NOD2: variants seen among roughly 807,000 people sequenced by gnomAD.
The protein encoded by NOD2 is nucleotide-binding oligomerization domain-containing protein 2.
A neutral mutation model predicts 90.9 loss-of-function variants in NOD2; 86 were observed. The observed-to-expected ratio is 0.95, with a 90% confidence interval of 0.79 to 1.13. NOD2 has a LOEUF of 1.13. Among genes scored for constraint, NOD2 ranks in the 50% most tolerant of loss-of-function variants. The pLI is 0.00. For missense variants in NOD2, 1,238 were observed against 1,283.8 expected (o/e 0.96, Z 0.55); for synonymous variants, 581 against 554.6 (o/e 1.05, Z -0.67).
intron 11 of NOD2, among the ~76,000 whole-genome samples, chr16:50,731,216 G>A (rs1217132309): frequency 6.6e-6 from 1 of 152,180 alleles, no homozygotes; most frequent in African/African-American, 2.4e-5. Context: ...GTGATGGAGA[G>A]ATTTTTCCTT....
chr16:50,712,318 G>C lies in NOD2; in HGVS notation c.2326G>C (p.Gly776Arg). The C allele has an allele frequency of 3.7e-6, 6 of 1,614,072 alleles. No homozygotes were observed. The highest frequency in any genetic ancestry group is 4.2e-6 in the Non-Finnish European group (5 of 1,180,044). ...VALQLDYNSV[G>R]DIGVEQLLPC... The stretch of plus-strand genomic sequence containing the variant: ...CCTGCAGCTGGACTACAACTCTGTG[G>C]GTGACATTGGCGTGGAGCAGCTGCT... Residue 776 changes from glycine to arginine, a missense_variant, in exon 4 of 12, where the codon GGT (glycine) becomes CGT (arginine). Physicochemically the swap from Gly to Arg is moderately radical, Grantham distance 125 (BLOSUM62 -2). Transcript: ENST00000647318.
At position 50,707,890 on chromosome 16, in the gene NOD2, G is replaced by C; in HGVS notation, c.495G>C (p.Ala165=). The C allele has an allele frequency of 6.2e-7, 1 of 1,614,140 alleles. No homozygotes were observed. The highest frequency in any genetic ancestry group is 1.7e-5 in the Admixed American group (1 of 60,026). ...RRLLDLATVK[A]NGLAAFLLQH... ...TGCTTGATCTTGCCACGGTGAAAGC[G>C]AATGGATTGGCTGCCTTCCTTCTAC... Residue 165 remains alanine (A), a synonymous_variant, in exon 3 of 12, where the codon GCG becomes GCC. Coordinates refer to ENST00000647318, the MANE Select transcript of NOD2 (RefSeq NM_001370466.1).
chr16:50,712,303 G>T lies in NOD2; in HGVS notation c.2311G>T (p.Asp771Tyr). 3 of 1,614,014 alleles carry T rather than the reference G, an allele frequency of 1.9e-6. No individual in the cohort carries two copies. The highest frequency in any genetic ancestry group is 2.5e-6 in the Non-Finnish European group (3 of 1,180,046). ...HLRRPVALQL[D>Y]YNSVGDIGVE... is the part of the protein sequence containing the mutation. ...CCGGCGGCCCGTGGCCCTGCAGCTG[G>T]ACTACAACTCTGTGGGTGACATTGG... is the stretch of plus-strand genomic sequence containing the variant. The change falls in exon 4 of 12, where the codon GAC becomes TAC. Residue 771 changes from aspartate to tyrosine, a missense_variant. By Grantham distance (160) the Asp-to-Tyr change is radical. This residue lies in a region of NOD2 where 667 missense variants were observed against 688.7 expected (regional missense o/e 0.97). Coordinates refer to ENST00000647318, the MANE Select transcript of NOD2 (RefSeq NM_001370466.1).
Position 50,707,878 on chromosome 16 carries a change from C to A in NOD2, c.483C>A (p.Ala161=). The part of the protein sequence containing the change: ...SQRARRLLDL[A]TVKANGLAAF... ...AGGCAAGAAGGCTGCTTGATCTTGC[C>A]ACGGTGAAAGCGAATGGATTGGCTG... Residue 161 remains alanine, a synonymous_variant, in exon 3 of 12, where the codon GCC becomes GCA. Coordinates refer to ENST00000647318, the MANE Select transcript of NOD2 (RefSeq NM_001370466.1). The A allele has an allele frequency of 6.2e-7, 1 of 1,614,000 alleles. No homozygotes were observed. The highest frequency in any genetic ancestry group is 8.5e-7 in the Non-Finnish European group (1 of 1,179,882).
rs771003092 is a variant in NOD2, at chr16:50,710,598, G to A, written c.606G>A (p.Thr202=). Residue 202 remains threonine, a synonymous_variant, in exon 4 of 12, where the codon ACG becomes ACA. Coordinates refer to ENST00000647318, the MANE Select transcript of NOD2 (RefSeq NM_001370466.1). ...CKKYMAKLRT[T]VSAQSRFLST... ...AGTATATGGCCAAGCTGAGGACCACGGTGTCTGCTCAGTCTCGCTTCCTCA... is the reference window on the plus strand; with the variant it reads ...AGTATATGGCCAAGCTGAGGACCACAGTGTCTGCTCAGTCTCGCTTCCTCA... 30 of 1,614,042 alleles carry A rather than the reference G, an allele frequency of 1.9e-5. No individual in the cohort carries two copies. Among genetic ancestry groups the A allele is most frequent in the South Asian group, 4.4e-5 (4 of 91,092 alleles).
intron 1 of NOD2, among the ~76,000 whole-genome samples, chr16:50,695,037 G>T (rs911901098): frequency 3.3e-5 from 5 of 152,040 alleles, no homozygotes; most frequent in African/African-American, 1.2e-4. Context: ...GTATCTGGGG[G>T]GCTGGGAGGC....
In NOD2 at chr16:50,710,707, G is replaced by A; in HGVS notation, c.715G>A (p.Ala239Thr). 1.2e-6 allele frequency: 2 copies of A among 1,613,880 alleles called. No individual in the cohort carries two copies. Residue 239 changes from alanine (A) to threonine (T), a missense_variant, in exon 4 of 12, where the codon GCT (alanine) becomes ACT (threonine). Transcript: ENST00000647318. Reference sequence around the variant, plus strand: ...GGAGGTCTGGGCAGATGTGGGCATGGCTGGACCCCCGCAGAAGAGCCCAGC... The same window carrying A: ...GGAGGTCTGGGCAGATGTGGGCATGACTGGACCCCCGCAGAAGAGCCCAGC... ...VLEVWADVGM[A>T]GPPQKSPATL...
chr16:50,731,251 G>T (rs1019464259), intron 11 of NOD2, among the ~76,000 whole-genome samples: 5 of 152,186 alleles, frequency 3.3e-5, no homozygotes, highest in Non-Finnish European at 7.3e-5. Flanking sequence ...TAGCTCTGTG[G>T]CCTATGACGT....
rs201831159 is a variant in NOD2 at position 50,719,981 on chromosome 16, G to C, written c.2606G>C (p.Arg869Pro). 6.2e-7 allele frequency: 1 copy of C among 1,614,162 alleles called. No homozygotes were observed. The highest frequency in any genetic ancestry group is 2.2e-5 in the East Asian group (1 of 44,876). ...GCCCAAGTGCTGGCCGAGGGGCTCC[G>C]AGGCAACACCTCCTTGCAGTTCCTG... Reference protein sequence around the residue: ...AGAQVLAEGLRGNTSLQFLGF... With the variant: ...AGAQVLAEGLPGNTSLQFLGF... The change falls in exon 7 of 12, where the codon CGA (arginine) becomes CCA (proline). Residue 869 changes from arginine (R) to proline (P), a missense_variant. By Grantham distance (103) the Arg-to-Pro change is moderately radical (BLOSUM62 -2). Around this residue, in one of 3 missense-constraint regions of NOD2, gnomAD observed 667 missense variants for 688.7 expected, o/e 0.97. Transcript: ENST00000647318.
rs931489429 is a variant in NOD2, at chr16:50,712,388, G to A, written c.2381+15G>A. The A allele has an allele frequency of 5.6e-6, 9 of 1,612,754 alleles. No individual in the cohort carries two copies. Among genetic ancestry groups the A allele is most frequent in the African/African-American group, 2.7e-5 (2 of 74,924 alleles). ...AAGGCTCTGTAGTGAGTGTTACTGGGCATTGCTGTTCAGGTATGGGGGAGC... is the reference window on the plus strand; with the variant it reads ...AAGGCTCTGTAGTGAGTGTTACTGGACATTGCTGTTCAGGTATGGGGGAGC... On this transcript the variant is annotated intron_variant, in intron 4 of 11. Transcript: ENST00000647318.
chr16:50,718,180 A>G (rs531543608), intron 6 of NOD2, among the ~76,000 whole-genome samples: 27 of 152,304 alleles, frequency 1.8e-4, no homozygotes, highest in African/African-American at 6.5e-4. Context: ...GTGTGATGGG[A>G]GGAAGTGAGG....
chr16:50,727,946 G>T, intron 10 of NOD2: 1 of 256,530 alleles, frequency 3.9e-6, no homozygotes, highest in South Asian at 4.4e-5. Flanking sequence ...GCTTCTTCTC[G>T]GTCCAACCAC....
rs1173810029 is a variant in NOD2, at chr16:50,723,478, A to T, written c.2801+94A>T. On this transcript the variant is annotated intron_variant, in intron 9 of 11. Coordinates refer to ENST00000647318, the MANE Select transcript of NOD2 (RefSeq NM_001370466.1). ...ATAGGAGCGGTTGTGTGGACAGACA[A>T]AGGTGGATGATTGAGTGATTGACTG... 4.7e-6 allele frequency: 5 copies of T among 1,069,690 alleles called. No homozygotes were observed. In the African/African-American group the frequency reaches 7.7e-5, roughly 16 times the overall value. 66.3% of individuals were successfully genotyped at this position (1,069,690 alleles called of 1,614,324 possible).
intron 4 of NOD2, among the ~76,000 whole-genome samples, chr16:50,714,073 T>C (rs1164759071): frequency 1.3e-5 from 2 of 152,174 alleles, no homozygotes; most frequent in African/African-American, 4.8e-5. Context: ...GAAATAAGAA[T>C]GTGCATTTTC....
intron 11 of NOD2, among the ~76,000 whole-genome samples, chr16:50,730,165 T>C (rs920741395): frequency 2.0e-5 from 3 of 152,172 alleles, no homozygotes; most frequent in Admixed American, 1.3e-4. Context: ...AGTGTAGGAA[T>C]GGGGATGTGG....
chr16:50,722,313 T>C (rs1965095243), intron 7 of NOD2, among the ~76,000 whole-genome samples: 1 of 152,196 alleles, frequency 6.6e-6, no homozygotes, highest in Non-Finnish European at 1.5e-5. Context: ...AGAAAAAGTG[T>C]CACAACTGTA....
chr16:50,720,086 T>A lies in NOD2; in HGVS notation c.2633+78T>A. On this transcript the variant is annotated intron_variant, in intron 7 of 11. Transcript: ENST00000647318. ...AGGATTTAGGGGCAGGTGAAACTCT[T>A]CAGCCAGGAGGCCCCAGAGGCAGCC... 6 of 1,377,788 alleles carry A rather than the reference T, an allele frequency of 4.4e-6. No individual in the cohort carries two copies. The South Asian group carries it at 7.1e-5, about 16-fold the overall frequency. The allele number at this position is 1,377,788 out of a possible 1,614,324, so 85.3% of individuals were successfully genotyped here.
At chr16:50,703,531 C>T (rs192626903) in intron 2 of NOD2, among the ~76,000 whole-genome samples, 272 of 151,750 alleles carry the variant, frequency 1.8e-3, no homozygotes, top group Middle Eastern at 6.9e-3. Context: ...CCCAGCTACT[C>T]GGGAGGCTGA....
chr16:50,703,601 T>G (rs1184841015), intron 2 of NOD2, among the ~76,000 whole-genome samples: 1 of 151,582 alleles, frequency 6.6e-6, no homozygotes, highest in Admixed American at 6.6e-5. Flanking sequence ...ATCGCACTGC[T>G]TGAACCCGGG....
Sources: allele counts gnomAD v4.1 joint callset (sites outside exome capture counted in the v4.1 genomes callset), GRCh38; gene constraint gnomAD v4.1.1; regional missense constraint gnomAD v4.1.1; transcripts MANE v1.5; gene names NCBI Gene and HGNC (gene_info 2026-07-23, HGNC 2026-07-21).